UBFD1: variants seen among roughly 807,000 people sequenced by gnomAD.
The protein encoded by UBFD1 is ubiquitin family domain containing 1, also known as ubiquitin domain-containing protein UBFD1.
UBFD1 carries 12 observed loss-of-function variants against 35.1 expected under a neutral mutation model. That is an observed-to-expected ratio of 0.34 (90% CI 0.22 to 0.55). UBFD1 has a LOEUF of 0.55. UBFD1 is among the 20% of genes least tolerant of loss of function. The pLI is 0.89. For synonymous variants in UBFD1, 178 were observed against 167.6 expected (o/e 1.06, Z -0.48); for missense variants, 337 against 410.8 (o/e 0.82, Z 1.55).
rs770144500 is a variant in UBFD1, at chr16:23,558,379, C to G, written c.355+100C>G. The G allele has an allele frequency of 2.7e-4, 384 of 1,420,366 alleles. 2 individuals are homozygous for G. The highest frequency in any genetic ancestry group is 3.5e-4 in the Non-Finnish European group (371 of 1,058,250). The allele number at this position is 1,420,366 out of a possible 1,614,324, so 88.0% of individuals were successfully genotyped here. ...GGTGGCTTTCCTTGCATCAGGTCCC[C>G]CCATCCTTACAGCAGTCTTCTGAAG... is the stretch of plus-strand genomic sequence containing the variant. On this transcript the variant is annotated intron_variant, in intron 2 of 6. Coordinates refer to ENST00000395878, the MANE Select transcript of UBFD1 (RefSeq NM_019116.3).
Position 23,562,615 on chromosome 16 carries a change from G to A in UBFD1, c.631-10G>A, listed in dbSNP as rs767737469. 3.1e-6 allele frequency: 5 copies of A among 1,612,670 alleles called. No homozygotes were observed. Among genetic ancestry groups the A allele is most frequent in the Admixed American group, 1.7e-5 (1 of 59,672 alleles). ...TCCCTCCATCTCTTACCATTCTCTC[G>A]TGCCTTCAGGAGCGCCTGCCAACGG... On this transcript the variant is annotated splice_polypyrimidine_tract_variant and intron_variant, in intron 4 of 6. Transcript: ENST00000395878.
chr16:23,567,106 G>GTGAGAGTCT, intron 6 of UBFD1, 37 bp downstream of exon 6: 1 of 1,586,280 alleles, frequency 6.3e-7, no homozygotes, highest in South Asian at 1.1e-5. Flanking sequence ...CCTCTCACTA[G>GTGAGAGTCT]ACTCCCACTT....
intron 6 of UBFD1, among the ~76,000 whole-genome samples, chr16:23,567,916 A>G (rs944390325): frequency 1.3e-5 from 2 of 152,262 alleles, no homozygotes; most frequent in African/African-American, 2.4e-5. Context: ...TGACCAGTAG[A>G]TTGGGATAAC....
chr16:23,565,538 A>C (rs1357589891), intron 5 of UBFD1: 2 of 152,172 alleles, frequency 1.3e-5, no homozygotes, highest in Non-Finnish European at 2.9e-5. Context: ...AGGTGTTTTA[A>C]AAGTTTCCAT....
At chr16:23,569,950 G>A (rs976563740) in intron 6 of UBFD1, among the ~76,000 whole-genome samples, 15 of 152,232 alleles carry the variant, frequency 9.9e-5, no homozygotes, top group African/African-American at 3.6e-4. Flanking sequence ...AAGAGCTCCA[G>A]TATTGGTGTG....
chr16:23,559,443 T>C (rs2142210041), intron 2 of UBFD1, 25 bp from the exon 3 acceptor site: 2 of 1,603,762 alleles, frequency 1.2e-6, no homozygotes, highest in East Asian at 2.2e-5. Context: ...TTCCTTTCAC[T>C]GTCCACCTTC....
At chr16:23,561,910 CAT>C (rs1965940635) in intron 3 of UBFD1, 2 of 280,068 alleles carry the variant, frequency 7.1e-6, no homozygotes, top group Non-Finnish European at 1.3e-5. Flanking sequence ...TAGCTATCCA[CAT>C]GTGGCTGGTT....
Position 23,570,515 on chromosome 16 carries a change from C to T in UBFD1, c.855C>T (p.Tyr285=). The change falls in exon 7 of 7, where the codon TAC becomes TAT. Residue 285 remains tyrosine, a synonymous_variant. Coordinates refer to ENST00000395878, the MANE Select transcript of UBFD1 (RefSeq NM_019116.3). ...TGGGCCCCACGGAAGCCTCTTACTACTGGGTGTACTGGGTTCCAACTCAAT... is the reference window on the plus strand; with the variant it reads ...TGGGCCCCACGGAAGCCTCTTACTATTGGGTGTACTGGGTTCCAACTCAAT... ...FQLGPTEASY[Y]WVYWVPTQYV... The T allele has an allele frequency of 6.2e-7, 1 of 1,614,128 alleles. No homozygotes were observed. The highest frequency in any genetic ancestry group is 8.5e-7 in the Non-Finnish European group (1 of 1,180,014).
At chr16:23,564,940 G>A (rs892709228) in intron 5 of UBFD1, 1 of 152,174 alleles carries the variant, frequency 6.6e-6, no homozygotes, top group Non-Finnish European at 1.5e-5. Context: ...CTGAGCCCTT[G>A]AAAGCCTCCT....
intron 4 of UBFD1, 94 bp downstream of exon 4, chr16:23,562,365 TG>T: frequency 1.6e-6 from 2 of 1,216,120 alleles, no homozygotes; most frequent in Non-Finnish European, 2.3e-6. Flanking sequence ...CTTTTTTCCC[TG>T]TTTTTTTTTT....
chr16:23,571,882 A>T lies in UBFD1; in HGVS notation c.*1292A>T, dbSNP rs1313538152. On this transcript the variant is annotated 3_prime_UTR_variant, in exon 7 of 7. Transcript: ENST00000395878. ...TTCTGGCTTGGTTGCCTCTGAAAGG[A>T]GGGAAAGTCTCTTGGTAAATTATCT... The T allele has an allele frequency of 6.6e-6, 1 of 152,610 alleles. No homozygotes were observed. The highest frequency in any genetic ancestry group is 1.5e-5 in the Non-Finnish European group (1 of 68,048). 9.5% of individuals were successfully genotyped at this position (152,610 alleles called of 1,614,324 possible). A position where few individuals can be genotyped will look rare whatever the true frequency, so the allele number is the denominator to read the frequency against.
At chr16:23,558,823 C>T (rs1965875975) in intron 2 of UBFD1, among the ~76,000 whole-genome samples, 1 of 150,928 alleles carries the variant, frequency 6.6e-6, no homozygotes, top group South Asian at 2.1e-4. Flanking sequence ...CTCTGTTGCC[C>T]AGGCTGGAGT....
chr16:23,562,180 A>G (rs748618316), intron 3 of UBFD1, 26 bp from the exon 4 acceptor site: 2 of 1,604,282 alleles, frequency 1.2e-6, no homozygotes, highest in East Asian at 2.2e-5. Flanking sequence ...CAGCTGTTTC[A>G]TTTCATTCTC....
chr16:23,573,000 T>G lies in UBFD1; in HGVS notation c.*2410T>G, dbSNP rs769576860. The stretch of plus-strand genomic sequence containing the variant: ...GATCCGTGTCTGGGCCACAGTAGTA[T>G]TCACTGTTTAGTCTTTGAGTTCCGT... On this transcript the variant is annotated 3_prime_UTR_variant, in exon 7 of 7. Coordinates refer to ENST00000395878, the MANE Select transcript of UBFD1 (RefSeq NM_019116.3). The G allele has an allele frequency of 6.6e-6, 1 of 152,258 alleles. No individual in the cohort carries two copies. Among genetic ancestry groups the G allele is most frequent in the Non-Finnish European group, 1.5e-5 (1 of 68,052 alleles). 9.4% of individuals were successfully genotyped at this position (152,258 alleles called of 1,614,324 possible).
In UBFD1 at chr16:23,570,832, G is replaced by A. The variant is rs1610; in HGVS notation, c.*242G>A. 0.15 allele frequency: 51,512 copies of A among 335,370 alleles called. 4,480 individuals carry two copies. The highest frequency in any genetic ancestry group is 0.29 in the East Asian group (5,163 of 17,748). The allele number at this position is 335,370 out of a possible 1,614,324, so 20.8% of individuals were successfully genotyped here. On this transcript the variant is annotated 3_prime_UTR_variant, in exon 7 of 7. Coordinates refer to ENST00000395878, the MANE Select transcript of UBFD1 (RefSeq NM_019116.3). ...TTCATACCATTTTTAAAGTCAATAC[G>A]ATGGAAATCAATAAATCTGAATTCC...
rs558869338 is a variant in UBFD1 at position 23,557,759 on chromosome 16, C to G, written c.17C>G (p.Ala6Gly). 7.7e-7 allele frequency: 1 copy of G among 1,300,510 alleles called. No homozygotes were observed. The allele number at this position is 1,300,510 out of a possible 1,614,324, so 80.6% of individuals were successfully genotyped here. A position where few individuals can be genotyped will look rare whatever the true frequency, so the allele number is the denominator to read the frequency against. Residue 6 changes from alanine (A) to glycine (G), a missense_variant, in exon 1 of 7, where the codon GCC becomes GGC. This residue lies in a region of UBFD1 where 198 missense variants were observed against 168.4 expected (regional missense o/e 1.18). Coordinates refer to ENST00000395878, the MANE Select transcript of UBFD1 (RefSeq NM_019116.3). MAAAG[A>G]PDGMEEPGMD... ...ACAATCATCATGGCGGCGGCCGGGG[C>G]CCCGGATGGTGAGTGCGGCGGGGGT...
Position 23,558,159 on chromosome 16 carries a change from G to A in UBFD1, c.235G>A (p.Gly79Ser), listed in dbSNP as rs1269530917. Reference sequence around the variant, plus strand: ...GGTCAGCAACGGCGAAGACGCGGGCGGCGGCGCGGGCAGGGAGCTGGTGGA... The same window carrying A: ...GGTCAGCAACGGCGAAGACGCGGGCAGCGGCGCGGGCAGGGAGCTGGTGGA... ...ASVSNGEDAG[G>S]GAGRELVDLK... is the part of the protein sequence containing the mutation. Residue 79 changes from glycine (G) to serine (S), a missense_variant, in exon 2 of 7, where the codon GGC (glycine) becomes AGC (serine). Physicochemically the swap from Gly to Ser is moderately conservative, Grantham distance 56 (BLOSUM62 0). Transcript: ENST00000395878. 2 of 1,605,004 alleles carry A rather than the reference G, an allele frequency of 1.2e-6. No homozygotes were observed. The highest frequency in any genetic ancestry group is 2.3e-5 in the East Asian group (1 of 43,776).
chr16:23,569,284 T>C (rs961235001), intron 6 of UBFD1: 1 of 152,256 alleles, frequency 6.6e-6, no homozygotes, highest in Non-Finnish European at 1.5e-5. Context: ...CTGGGCGCAG[T>C]GGCTCACACC....
intron 2 of UBFD1, 23 bp downstream of exon 2, chr16:23,558,302 C>T (rs1417367667): frequency 6.3e-7 from 1 of 1,591,840 alleles, no homozygotes; most frequent in Non-Finnish European, 8.5e-7. Context: ...GCGCTGACAG[C>T]CAGTCTTCCC....
Sources: allele counts gnomAD v4.1 joint callset (sites outside exome capture counted in the v4.1 genomes callset), GRCh38; gene constraint gnomAD v4.1.1; regional missense constraint gnomAD v4.1.1; transcripts MANE v1.5; gene names NCBI Gene and HGNC (gene_info 2026-07-23, HGNC 2026-07-21).